NUP98: variants seen among roughly 807,000 people sequenced by gnomAD.
The protein encoded by NUP98 is nucleoporin 98 and 96 precursor, also known as nuclear pore complex protein Nup98-Nup96.
NUP98 carries 26 observed loss-of-function variants against 191.9 expected under a neutral mutation model. The observed-to-expected ratio is 0.14, with a 90% CI of 0.10 to 0.19. The LOEUF (loss-of-function observed/expected upper bound fraction) is 0.19, where lower values mean the gene tolerates loss of function less well. Ranked by LOEUF, NUP98 falls within the 10% of genes least tolerant of loss-of-function variation. The pLI, the probability that NUP98 is intolerant of heterozygous loss-of-function variation, is 1.00. For missense variants in NUP98, 1,941 were observed against 2,178.8 expected (o/e 0.89, Z 2.17); for synonymous variants, 808 against 778.4 (o/e 1.04, Z -0.63).
intron 28 of NUP98, among the ~76,000 whole-genome samples, chr11:3,688,549 C>A (rs945746233): frequency 2.6e-5 from 4 of 151,580 alleles, no homozygotes; most frequent in Non-Finnish European, 4.4e-5. Context: ...AATCCCAGCA[C>A]TTTGGGAGGC....
intron 1 of NUP98, among the ~76,000 whole-genome samples, chr11:3,795,682 AC>A (rs1196484360): frequency 1.3e-5 from 2 of 152,236 alleles, no homozygotes; most frequent in African/African-American, 2.4e-5. Flanking sequence ...AATTAAAAAA[AC>A]AGCTAAAATA....
intron 20 of NUP98, chr11:3,712,063 A>C: frequency 1.9e-6 from 2 of 1,049,374 alleles, no homozygotes; most frequent in Non-Finnish European, 2.3e-6. Context: ...ATTTTTCATA[A>C]AGATTATGTA....
At chr11:3,718,732 C>G (rs1294471748) in intron 18 of NUP98, among the ~76,000 whole-genome samples, 1 of 151,436 alleles carries the variant, frequency 6.6e-6, no homozygotes, top group Admixed American at 6.6e-5. Flanking sequence ...TAGGATCTCA[C>G]ACTAAAATAG....
chr11:3,726,786 CTTTTTTTTT>C (rs906463691), intron 14 of NUP98, among the ~76,000 whole-genome samples: 1 of 144,550 alleles, frequency 6.9e-6, no homozygotes, highest in African/African-American at 2.5e-5. Flanking sequence ...ACTTTTCTTT[CTTTTTTTTT>C]TTTTGAGACA....
At chr11:3,762,113 CT>C (rs1564898143) in intron 9 of NUP98, among the ~76,000 whole-genome samples, 1 of 151,852 alleles carries the variant, frequency 6.6e-6, no homozygotes, top group Non-Finnish European at 1.5e-5. Context: ...CTTTGTGTTC[CT>C]TTTTTATTTT....
chr11:3,762,987 G>C lies in NUP98; in HGVS notation c.1001C>G (p.Ala334Gly). 6.2e-7 allele frequency: 1 copy of C among 1,614,078 alleles called. No individual in the cohort carries two copies. The highest frequency in any genetic ancestry group is 8.5e-7 in the Non-Finnish European group (1 of 1,180,000). ...ASQPGGLFGT[A>G]TNTSTGTAFG... ...TGCTGTCCCAGTGCTGGTGTTTGTA[G>C]CTGTCCCAAAAAGACCTCCAGGCTG... is the stretch of plus-strand genomic sequence containing the variant. The change falls in exon 9 of 33, where the codon GCT (alanine) becomes GGT (glycine). Residue 334 changes from alanine (A) to glycine (G), a missense_variant. Coordinates refer to ENST00000324932, the MANE Select transcript of NUP98 (RefSeq NM_016320.5).
intron 1 of NUP98, among the ~76,000 whole-genome samples, chr11:3,793,853 C>T (rs2082437944): frequency 6.6e-6 from 1 of 151,934 alleles, no homozygotes; most frequent in African/African-American, 2.4e-5. Context: ...ACCTGTAATC[C>T]AGCTACTCGG....
chr11:3,678,136 TAAA>T (rs76077592), intron 31 of NUP98, among the ~76,000 whole-genome samples: 5 of 103,366 alleles, frequency 4.8e-5, no homozygotes, highest in Admixed American at 1.0e-4. Flanking sequence ...AAACTCTGCC[TAAA>T]AAAAAAAAAA....
Position 3,699,357 on chromosome 11 carries a change from G to A in NUP98, c.3743-9C>T. Reference sequence around the variant, plus strand: ...GCTCCAGTGCTTCACAACTAAGGCAGGAAGAGAAAAACAATGTTACGAGAC... The same window carrying A: ...GCTCCAGTGCTTCACAACTAAGGCAAGAAGAGAAAAACAATGTTACGAGAC... On this transcript the variant is annotated splice_polypyrimidine_tract_variant and intron_variant, in intron 24 of 32. Coordinates refer to ENST00000324932, the MANE Select transcript of NUP98 (RefSeq NM_016320.5). 6.2e-7 allele frequency: 1 copy of A among 1,610,790 alleles called. No individual in the cohort carries two copies. Among genetic ancestry groups the A allele is most frequent in the Non-Finnish European group, 8.5e-7 (1 of 1,177,156 alleles).
intron 31 of NUP98, among the ~76,000 whole-genome samples, chr11:3,678,208 A>C (rs1317605461): frequency 6.6e-6 from 1 of 152,008 alleles, no homozygotes; most frequent in Non-Finnish European, 1.5e-5. Flanking sequence ...ATTTTGTTTA[A>C]TCTTTGTGAA....
chr11:3,766,857 C>T (rs765566897), intron 8 of NUP98, among the ~76,000 whole-genome samples: 4 of 152,080 alleles, frequency 2.6e-5, no homozygotes, highest in African/African-American at 9.7e-5. Flanking sequence ...ATGTGGTTTT[C>T]TGTTGTTTAA....
At chr11:3,758,709 A>C (rs1270523614) in intron 10 of NUP98, among the ~76,000 whole-genome samples, 1 of 151,976 alleles carries the variant, frequency 6.6e-6, no homozygotes, top group African/African-American at 2.4e-5. Flanking sequence ...CACTCCAACC[A>C]GGGAGGTGGA....
intron 14 of NUP98, among the ~76,000 whole-genome samples, chr11:3,730,028 G>A (rs1051110304): frequency 6.6e-6 from 1 of 151,980 alleles, no homozygotes; most frequent in Non-Finnish European, 1.5e-5. Flanking sequence ...AATTATCTGA[G>A]GTCAGCAGTT....
chr11:3,783,910 A>T (rs568134722), intron 1 of NUP98, among the ~76,000 whole-genome samples: 4 of 152,158 alleles, frequency 2.6e-5, no homozygotes, highest in African/African-American at 9.7e-5. Context: ...AAATAAAAAT[A>T]AAAAATAGCT....
chr11:3,723,771 G>T (rs1354726596), intron 15 of NUP98, among the ~76,000 whole-genome samples: 1 of 145,616 alleles, frequency 6.9e-6, no homozygotes, highest in South Asian at 2.1e-4. Context: ...AAAAACACTA[G>T]AATTTTATCC....
At chr11:3,781,458 T>A (rs2081963983) in intron 2 of NUP98, 1 of 139,888 alleles carries the variant, frequency 7.1e-6, no homozygotes. Flanking sequence ...GAAACAAAAT[T>A]TTTTTTTTGC....
chr11:3,781,784 A>C (rs1203000000), intron 2 of NUP98, among the ~76,000 whole-genome samples: 9 of 152,070 alleles, frequency 5.9e-5, no homozygotes, highest in Admixed American at 4.6e-4. Flanking sequence ...ACAAATTATA[A>C]CTTTCTGTCA....
chr11:3,785,453 T>C (rs1401607164), intron 1 of NUP98, among the ~76,000 whole-genome samples: 1 of 152,138 alleles, frequency 6.6e-6, no homozygotes, highest in Non-Finnish European at 1.5e-5. Context: ...TGTAACACTT[T>C]ACTTCCTCTA....
At chr11:3,766,169 G>A (rs1052747197) in intron 8 of NUP98, among the ~76,000 whole-genome samples, 11 of 152,150 alleles carry the variant, frequency 7.2e-5, no homozygotes, top group South Asian at 4.1e-4. Context: ...GAGCCCAGAA[G>A]CTCGAGACCA....
Sources: gnomAD v4.1 joint callset for allele counts (sites outside exome capture counted in the v4.1 genomes callset) on GRCh38, gnomAD v4.1.1 for gene constraint, MANE v1.5 for transcripts, NCBI Gene and HGNC (gene_info 2026-07-23, HGNC 2026-07-21) for gene names.